KLHL28: variants seen among roughly 807,000 people sequenced by gnomAD.
KLHL28 encodes kelch like family member 28.
Under a neutral mutation model 48.3 loss-of-function variants are expected in KLHL28, and 22 were observed. The observed-to-expected ratio is 0.46, with a 90% CI of 0.33 to 0.65. The LOEUF (loss-of-function observed/expected upper bound fraction) is 0.65, where lower values mean the gene tolerates loss of function less well. Among genes scored for constraint, KLHL28 ranks in the 30% least tolerant of loss-of-function variants. The pLI is 0.03. For synonymous variants in KLHL28, 243 were observed against 242.4 expected (o/e 1.00, Z -0.02); for missense variants, 527 against 704.3 (o/e 0.75, Z 2.85).
intron 1 of KLHL28, among the ~76,000 whole-genome samples, chr14:44,950,969 G>A (rs10129201): frequency 0.051 from 7,689 of 152,202 alleles, 657 homozygotes; most frequent in African/African-American, 0.17. Flanking sequence ...AGACATATGA[G>A]CCATTTTAAA....
chr14:44,955,363 T>C (rs1238840306), intron 1 of KLHL28, among the ~76,000 whole-genome samples: 3 of 152,258 alleles, frequency 2.0e-5, no homozygotes, highest in East Asian at 3.9e-4. Context: ...GTCTAGAAAC[T>C]GACCATCCCG....
At chr14:44,948,255 A>T (rs1177731891) in intron 1 of KLHL28, among the ~76,000 whole-genome samples, 1 of 152,164 alleles carries the variant, frequency 6.6e-6, no homozygotes, top group Non-Finnish European at 1.5e-5. Context: ...TCAGGTATTA[A>T]TGTAGCTGAG....
intron 2 of KLHL28, among the ~76,000 whole-genome samples, chr14:44,936,314 T>C (rs1474715330): frequency 6.6e-6 from 1 of 152,130 alleles, no homozygotes; most frequent in Non-Finnish European, 1.5e-5. Context: ...ATGGTAATGA[T>C]ACATATAGTA....
intron 1 of KLHL28, among the ~76,000 whole-genome samples, chr14:44,958,927 A>G (rs780762336): frequency 6.6e-6 from 1 of 152,070 alleles, no homozygotes; most frequent in Non-Finnish European, 1.5e-5. Flanking sequence ...ATATACATCA[A>G]GAAAACTGAT....
intron 4 of KLHL28, among the ~76,000 whole-genome samples, chr14:44,929,755 G>A (rs964640942): frequency 1.3e-5 from 2 of 152,060 alleles, no homozygotes; most frequent in African/African-American, 2.4e-5. Flanking sequence ...TTGAGGCAGC[G>A]GTGAGCTATG....
chr14:44,952,869 T>G (rs541958092), intron 1 of KLHL28, among the ~76,000 whole-genome samples: 3 of 150,468 alleles, frequency 2.0e-5, no homozygotes, highest in Non-Finnish European at 4.4e-5. Context: ...TTTACCTCAG[T>G]AACCACTTTG....
At chr14:44,957,783 T>C (rs1360863314) in intron 1 of KLHL28, among the ~76,000 whole-genome samples, 2 of 152,198 alleles carry the variant, frequency 1.3e-5, no homozygotes, top group African/African-American at 4.8e-5. Context: ...TCTGTCTATG[T>C]AATTCTTAAA....
intron 1 of KLHL28, among the ~76,000 whole-genome samples, chr14:44,958,505 C>T (rs1292009095): frequency 2.0e-5 from 3 of 152,114 alleles, no homozygotes; most frequent in African/African-American, 7.2e-5. Context: ...TTCTTTCCTA[C>T]AGTTCAACTT....
intron 1 of KLHL28, chr14:44,960,983 A>C: frequency 9.0e-7 from 1 of 1,107,706 alleles, no homozygotes; most frequent in Non-Finnish European, 1.3e-6. Flanking sequence ...ATTCAAAAGT[A>C]ATAGTATTAT....
intron 2 of KLHL28, 89 bp downstream of exon 2, chr14:44,944,941 T>A: frequency 1.7e-5 from 17 of 989,440 alleles, no homozygotes; most frequent in East Asian, 1.3e-4. Context: ...AAAAGGAAAA[T>A]CAAACTATTT....
intron 1 of KLHL28, among the ~76,000 whole-genome samples, chr14:44,950,034 A>C (rs28558522): frequency 0.15 from 23,329 of 151,960 alleles, 3,271 homozygotes; most frequent in African/African-American, 0.37. Flanking sequence ...GTAATGGAAC[A>C]GAGGTACTGA....
intron 1 of KLHL28, among the ~76,000 whole-genome samples, chr14:44,946,133 A>T (rs761724287): frequency 1.3e-5 from 2 of 152,206 alleles, no homozygotes; most frequent in Non-Finnish European, 2.9e-5. Flanking sequence ...TTTATTATAG[A>T]TATTAGGAAA....
intron 1 of KLHL28, chr14:44,959,317 A>G (rs1273467055): frequency 2.6e-5 from 4 of 152,146 alleles, no homozygotes; most frequent in Non-Finnish European, 2.9e-5. Context: ...GTGAGGATTA[A>G]ATGAGTTAAT....
At chr14:44,932,883 T>C (rs1188913562) in intron 3 of KLHL28, among the ~76,000 whole-genome samples, 3 of 152,186 alleles carry the variant, frequency 2.0e-5, no homozygotes, top group African/African-American at 7.2e-5. Flanking sequence ...TTGGCTTCAA[T>C]AGAAGTAAAA....
intron 2 of KLHL28, among the ~76,000 whole-genome samples, chr14:44,935,868 G>A (rs375491717): frequency 0.026 from 887 of 33,946 alleles, 5 homozygotes; most frequent in Middle Eastern, 0.081. Context: ...GTATGTGTAT[G>A]TGTATGTATA....
chr14:44,958,617 G>T (rs1884900870), intron 1 of KLHL28, among the ~76,000 whole-genome samples: 1 of 151,928 alleles, frequency 6.6e-6, no homozygotes, highest in East Asian at 1.9e-4. Flanking sequence ...GACTTTTATT[G>T]ACAAACAAAA....
At chr14:44,931,682 G>C (rs1883594834) in intron 3 of KLHL28, 141 bp from the exon 4 acceptor site, 2 of 643,424 alleles carry the variant, frequency 3.1e-6, no homozygotes, top group Non-Finnish European at 5.3e-6. Context: ...CAAATGCTTA[G>C]GTTTTGCTGA....
At chr14:44,938,176 G>C (rs1010259472) in intron 2 of KLHL28, among the ~76,000 whole-genome samples, 1 of 152,054 alleles carries the variant, frequency 6.6e-6, no homozygotes, top group Non-Finnish European at 1.5e-5. Context: ...ATATATAAGC[G>C]AGAGTCAAGG....
intron 2 of KLHL28, among the ~76,000 whole-genome samples, chr14:44,944,733 A>G (rs946025540): frequency 6.6e-6 from 1 of 152,142 alleles, no homozygotes; most frequent in Admixed American, 6.5e-5. Context: ...AAACATGTAA[A>G]TGGTTCCAGA....
Sources: gnomAD v4.1 joint callset for allele counts (sites outside exome capture counted in the v4.1 genomes callset) on GRCh38, gnomAD v4.1.1 for gene constraint, MANE v1.5 for transcripts, NCBI Gene and HGNC (gene_info 2026-07-23, HGNC 2026-07-21) for gene names.